The following PARD3B variants were observed in gnomAD, a reference collection of about 807,000 sequenced individuals.
PARD3B encodes par-3 family cell polarity regulator beta, also known as partitioning defective 3 homolog B.
In PARD3B, 103 loss-of-function variants were observed where a neutral mutation model predicts 130.2. The observed-to-expected ratio is 0.79, with a 90% CI of 0.67 to 0.93. The LOEUF (loss-of-function observed/expected upper bound fraction) is 0.93. Among genes scored for constraint, PARD3B ranks in the 40% least tolerant of loss-of-function variants. The probability of loss-of-function intolerance (pLI) is 0.00; values close to 1 mark genes in which losing one functional copy is unlikely to be tolerated. For missense variants in PARD3B, 1,609 were observed against 1,499.2 expected, an observed-to-expected ratio of 1.07 and a Z score of -1.21; for synonymous variants, 583 against 553.2, an observed-to-expected ratio of 1.05 and a Z score of -0.76.
chr2:205,243,132 C>A (rs948272998), intron 15 of PARD3B, among the ~76,000 whole-genome samples: 1 of 151,828 alleles, frequency 6.6e-6, no homozygotes, highest in Non-Finnish European at 1.5e-5. Context: ...TGCCATTGCA[C>A]TTTAGCCTGG....
chr2:205,086,795 A>G (rs1165824146), intron 4 of PARD3B, among the ~76,000 whole-genome samples: 2 of 152,224 alleles, frequency 1.3e-5, no homozygotes, highest in Non-Finnish European at 2.9e-5. Flanking sequence ...CCACTGGATG[A>G]TGAAGCCCAC....
intron 3 of PARD3B, among the ~76,000 whole-genome samples, chr2:205,000,973 G>C (rs1294131158): frequency 6.6e-6 from 1 of 151,888 alleles, no homozygotes; most frequent in Non-Finnish European, 1.5e-5. Context: ...TTGCTTTTAC[G>C]AGGTGTTTTT....
intron 2 of PARD3B, among the ~76,000 whole-genome samples, chr2:204,873,093 T>C (rs2045691965): frequency 6.6e-6 from 1 of 152,150 alleles, no homozygotes. Flanking sequence ...AAATAACTAG[T>C]AGATAATTAA....
At chr2:205,007,926 C>T (rs1695407916) in intron 3 of PARD3B, among the ~76,000 whole-genome samples, 2 of 152,054 alleles carry the variant, frequency 1.3e-5, no homozygotes, top group Non-Finnish European at 2.9e-5. Flanking sequence ...TAAATACACT[C>T]CTGGGTATTT....
chr2:205,205,013 G>C (rs570828391), intron 15 of PARD3B, among the ~76,000 whole-genome samples: 58 of 152,216 alleles, frequency 3.8e-4, no homozygotes, highest in African/African-American at 1.3e-3. Flanking sequence ...GATGGGGATA[G>C]CATTAAATCT....
intron 21 of PARD3B, among the ~76,000 whole-genome samples, chr2:205,520,589 TA>T: frequency 6.6e-6 from 1 of 152,146 alleles, no homozygotes; most frequent in African/African-American, 2.4e-5. Context: ...AATGCTTAGG[TA>T]ATTGGTAAAA....
chr2:204,872,669 A>G (rs2045674330), intron 2 of PARD3B, among the ~76,000 whole-genome samples: 1 of 152,208 alleles, frequency 6.6e-6, no homozygotes, highest in African/African-American at 2.4e-5. Flanking sequence ...ATTGTAATAA[A>G]TTCTTCTGTG....
At chr2:205,382,846 T>C (rs761381133) in intron 18 of PARD3B, among the ~76,000 whole-genome samples, 2 of 152,064 alleles carry the variant, frequency 1.3e-5, no homozygotes, top group Admixed American at 6.6e-5. Flanking sequence ...ATTTTCAGGA[T>C]AGCTCATGTT....
At chr2:205,104,642 A>C (rs1379781810) in intron 5 of PARD3B, 128 bp downstream of exon 5, 4 of 621,292 alleles carry the variant, frequency 6.4e-6, no homozygotes, top group African/African-American at 5.5e-5. Context: ...AACATGTCCC[A>C]AGTCTAACAG....
chr2:205,007,220 G>A (rs934016326), intron 3 of PARD3B, among the ~76,000 whole-genome samples: 10 of 152,066 alleles, frequency 6.6e-5, no homozygotes, highest in African/African-American at 1.7e-4. Flanking sequence ...ACCTTCCACC[G>A]TGATTGTAAG....
At chr2:205,571,557 A>T (rs1411709062) in intron 22 of PARD3B, among the ~76,000 whole-genome samples, 2 of 152,240 alleles carry the variant, frequency 1.3e-5, no homozygotes, top group African/African-American at 4.8e-5. Flanking sequence ...ATCAACAGGG[A>T]GAGTAAAACA....
rs2041970799 is a variant in PARD3B, at chr2:205,300,835, G to A, written c.2392+99G>A. The A allele has an allele frequency of 3.3e-6, 4 of 1,222,016 alleles. No individual in the cohort carries two copies. The highest frequency in any genetic ancestry group is 4.5e-6 in the Non-Finnish European group (4 of 882,064). The allele number at this position is 1,222,016 out of a possible 1,614,324, so 75.7% of individuals were successfully genotyped here. On this transcript the variant is annotated intron_variant, in intron 17 of 22. Coordinates refer to ENST00000406610, the MANE Select transcript of PARD3B (RefSeq NM_001302769.2). The surrounding 1 kb of genome is among the most constrained non-coding windows in gnomAD (Gnocchi z 4.1). ...TCAACTACAGAAAAAAATGATTTAA[G>A]GATCACAATTATATTTTTGATATTA...
At position 204,943,056 on chromosome 2, in the gene PARD3B, CTT is replaced by C. The variant is rs1316245394; in HGVS notation, c.223-22094_223-22093del. ...ATTAAAAAAGAAAAGACAAGAAAGA[CTT>C]TGTGTAAAAAGACAAGAAAGACTTT... On this transcript the variant is annotated intron_variant, in intron 2 of 22. Transcript: ENST00000406610. This position sits in a 1 kb window ranked among gnomAD's most constrained non-coding sequence, Gnocchi z 4.2. Among the ~76,000 whole-genome samples the C allele has an allele frequency of 6.6e-6, 1 of 151,988 alleles. No homozygotes were observed.
chr2:204,941,244 C>T (rs575053145), intron 2 of PARD3B, among the ~76,000 whole-genome samples: 10 of 152,250 alleles, frequency 6.6e-5, no homozygotes, highest in African/African-American at 1.4e-4. Flanking sequence ...CGTGGTGGCA[C>T]GTGCCCATAG....
intron 16 of PARD3B, chr2:205,293,846 T>A (rs1237201592): frequency 6.6e-6 from 1 of 152,134 alleles, no homozygotes; most frequent in African/African-American, 2.4e-5. Flanking sequence ...CCTTTTTTCC[T>A]ACAACAAATA....
chr2:204,983,376 C>G (rs1692850709), intron 3 of PARD3B, among the ~76,000 whole-genome samples: 1 of 139,088 alleles, frequency 7.2e-6, no homozygotes, highest in African/African-American at 2.8e-5. Flanking sequence ...ACAATGCATC[C>G]AAAAATGTAA....
intron 3 of PARD3B, among the ~76,000 whole-genome samples, chr2:204,991,673 A>G (rs1693694544): frequency 6.7e-6 from 1 of 149,862 alleles, no homozygotes; most frequent in African/African-American, 2.4e-5. Flanking sequence ...CAATGGTTGA[A>G]CTAGTTTACA....
chr2:205,149,677 C>G (rs1315134546), intron 10 of PARD3B, among the ~76,000 whole-genome samples: 1 of 152,184 alleles, frequency 6.6e-6, no homozygotes, highest in Non-Finnish European at 1.5e-5. Context: ...ACTGCCACCC[C>G]TTCCTGGGAC....
chr2:205,228,287 T>A (rs1465205772), intron 15 of PARD3B, among the ~76,000 whole-genome samples: 2 of 152,216 alleles, frequency 1.3e-5, no homozygotes, highest in African/African-American at 4.8e-5. Context: ...GTAGGACACA[T>A]CTGGTGTAGA....
Sources: gnomAD v4.1 joint callset for allele counts (sites outside exome capture counted in the v4.1 genomes callset) on GRCh38, gnomAD v4.1.1 for gene constraint, Gnocchi (gnomAD v3.1) non-coding constraint, MANE v1.5 for transcripts, NCBI Gene and HGNC (gene_info 2026-07-23, HGNC 2026-07-21) for gene names.